Variants in SEZ6L observed in about 807,000 individuals in gnomAD.
The protein encoded by SEZ6L is seizure 6-like protein.
A neutral mutation model predicts 106.2 loss-of-function variants in SEZ6L; 37 were observed. The ratio of observed to expected loss-of-function variants is 0.35; its 90% CI spans 0.27 to 0.46. The LOEUF (loss-of-function observed/expected upper bound fraction) is 0.46. SEZ6L is among the 20% of genes least tolerant of loss of function. The pLI is 1.00. For synonymous variants in SEZ6L, 541 were observed against 570.4 expected (o/e 0.95, Z 0.73); for missense variants, 1,172 against 1,332.8 (o/e 0.88, Z 1.88).
chr22:26,338,855 C>CTTTTTTTTTCTTTT (rs2082728239), intron 9 of SEZ6L, among the ~76,000 whole-genome samples: 1 of 93,374 alleles, frequency 1.1e-5, no homozygotes, highest in African/African-American at 4.1e-5. Flanking sequence ...CACGCCCGGA[C>CTTTTTTTTTCTTTT]TTTTTTTTTT....
intron 9 of SEZ6L, among the ~76,000 whole-genome samples, chr22:26,318,516 GCA>G (rs1393330987): frequency 1.3e-5 from 2 of 151,980 alleles, no homozygotes; most frequent in Non-Finnish European, 2.9e-5. Flanking sequence ...TCTCATTGCA[GCA>G]ATGAAGAAAT....
chr22:26,206,359 C>T (rs1165150200), intron 1 of SEZ6L, among the ~76,000 whole-genome samples: 1 of 152,174 alleles, frequency 6.6e-6, no homozygotes, highest in Non-Finnish European at 1.5e-5. Context: ...AAGAGTTCTG[C>T]ATAGTATATA....
chr22:26,269,082 T>C (rs2080279489), intron 1 of SEZ6L, among the ~76,000 whole-genome samples: 2 of 152,322 alleles, frequency 1.3e-5, no homozygotes, highest in South Asian at 4.2e-4. Context: ...AGTCACATGA[T>C]TAACTGTGAT....
intron 14 of SEZ6L, among the ~76,000 whole-genome samples, chr22:26,374,263 C>CTTT (rs112702936): frequency 0.015 from 2,127 of 141,256 alleles, 53 homozygotes; most frequent in African/African-American, 0.051. Flanking sequence ...TATATTGTTT[C>CTTT]TTTTTTTTTT....
chr22:26,363,558 C>T (rs1251286376), intron 12 of SEZ6L, among the ~76,000 whole-genome samples: 1 of 152,196 alleles, frequency 6.6e-6, no homozygotes, highest in East Asian at 1.9e-4. Context: ...GATGATAAGA[C>T]AGAGTTCCAA....
chr22:26,265,017 G>C (rs766349725), intron 1 of SEZ6L, among the ~76,000 whole-genome samples: 2 of 152,150 alleles, frequency 1.3e-5, no homozygotes, highest in African/African-American at 4.8e-5. Context: ...ATGTGTTTTA[G>C]GGGTGGAGGA....
chr22:26,275,798 C>T (rs543857166), intron 1 of SEZ6L, among the ~76,000 whole-genome samples: 1 of 152,302 alleles, frequency 6.6e-6, no homozygotes, highest in Admixed American at 6.5e-5. Flanking sequence ...CCTTTGGGGC[C>T]ACGAAGTGTC....
intron 1 of SEZ6L, among the ~76,000 whole-genome samples, chr22:26,227,268 A>G (rs1015476009): frequency 4.6e-5 from 7 of 151,522 alleles, no homozygotes; most frequent in Non-Finnish European, 1.0e-4. Flanking sequence ...CTGAGCCCCA[A>G]TTTCCTCAAG....
chr22:26,360,767 C>G (rs2083590316), intron 12 of SEZ6L, among the ~76,000 whole-genome samples: 1 of 152,186 alleles, frequency 6.6e-6, no homozygotes, highest in African/African-American at 2.4e-5. Context: ...TAACTGTTCT[C>G]TGTTCCCCAT....
intron 13 of SEZ6L, among the ~76,000 whole-genome samples, chr22:26,371,088 AT>A (rs1228972332): frequency 6.7e-6 from 1 of 149,526 alleles, no homozygotes; most frequent in Non-Finnish European, 1.5e-5. Flanking sequence ...GTGCCATGTT[AT>A]TTTTTTTATT....
chr22:26,339,514 A>G (rs1005349609), intron 9 of SEZ6L, among the ~76,000 whole-genome samples: 5 of 152,194 alleles, frequency 3.3e-5, no homozygotes, highest in Non-Finnish European at 7.4e-5. Context: ...TTAATTATTT[A>G]GTGTCAAGGT....
At chr22:26,293,674 A>G (rs1351348977) in intron 2 of SEZ6L, among the ~76,000 whole-genome samples, 1 of 152,232 alleles carries the variant, frequency 6.6e-6, no homozygotes, top group Non-Finnish European at 1.5e-5. Flanking sequence ...GAGACCCCCA[A>G]GCAACCTGCC....
intron 1 of SEZ6L, among the ~76,000 whole-genome samples, chr22:26,208,850 CTGTGTG>C (rs35483380): frequency 0.17 from 18,784 of 111,208 alleles, 1,457 homozygotes; most frequent in African/African-American, 0.2. Flanking sequence ...GACTCTCTCT[CTGTGTG>C]TGTGTGTGTG....
Position 26,225,497 on chromosome 22 carries a change from A to G in SEZ6L, c.94+55734A>G, listed in dbSNP as rs150590345. ...AAGCTGAACACATAGAAGGGAAAAC[A>G]CAGTGGCCCTAGCCCAGCATCCACG... On this transcript the variant is annotated intron_variant, in intron 1 of 16. Transcript: ENST00000248933. Among the ~76,000 whole-genome samples, 111 of 152,278 alleles carry G rather than the reference A, an allele frequency of 7.3e-4. 1 individual carries two copies. Among genetic ancestry groups the G allele is most frequent in the Admixed American group, 1.7e-3 (26 of 15,292 alleles).
At chr22:26,174,459 T>C (rs563340716) in intron 1 of SEZ6L, among the ~76,000 whole-genome samples, 1 of 152,228 alleles carries the variant, frequency 6.6e-6, no homozygotes, top group Admixed American at 6.5e-5. Flanking sequence ...TCCTCCCTGC[T>C]CTCCCCTGAA....
chr22:26,329,404 G>A (rs530226066), intron 9 of SEZ6L, among the ~76,000 whole-genome samples: 1 of 152,228 alleles, frequency 6.6e-6, no homozygotes, highest in Admixed American at 6.5e-5. Context: ...GGAGGCGGAG[G>A]TTGCAGTGAG....
At chr22:26,275,797 C>T (rs1429410634) in intron 1 of SEZ6L, among the ~76,000 whole-genome samples, 1 of 152,150 alleles carries the variant, frequency 6.6e-6, no homozygotes, top group African/African-American at 2.4e-5. Flanking sequence ...ACCTTTGGGG[C>T]CACGAAGTGT....
intron 1 of SEZ6L, among the ~76,000 whole-genome samples, chr22:26,280,977 G>A (rs2080742386): frequency 6.6e-6 from 1 of 152,166 alleles, no homozygotes; most frequent in South Asian, 2.1e-4. Flanking sequence ...TAGTCATCAT[G>A]TCATACAATA....
rs568685173 is a variant in SEZ6L, at chr22:26,373,497, CG to C, written c.2827+15del. On this transcript the variant is annotated intron_variant, in intron 14 of 16. Coordinates refer to ENST00000248933, the MANE Select transcript of SEZ6L (RefSeq NM_021115.5). ...ATGCTTTAGAAGGTGAGTTCCAGAA[CG>C]AAAAAAAAAAAAGTTCAATAAATCA... The C allele has an allele frequency of 4.0e-4, 570 of 1,440,298 alleles. 3 individuals carry two copies. The African/African-American group carries it at 8.4e-3, about 21-fold the overall frequency. 89.2% of individuals were successfully genotyped at this position (1,440,298 alleles called of 1,614,324 possible). A position where few individuals can be genotyped will look rare whatever the true frequency, so the allele number is the denominator to read the frequency against.
Sources: gnomAD v4.1 joint callset for allele counts (sites outside exome capture counted in the v4.1 genomes callset) on GRCh38, gnomAD v4.1.1 for gene constraint, MANE v1.5 for transcripts, NCBI Gene and HGNC (gene_info 2026-07-23, HGNC 2026-07-21) for gene names.